Variants in TRPM3 observed in about 807,000 individuals in gnomAD.
TRPM3 encodes the protein long transient receptor potential channel 3.
In TRPM3, 77 loss-of-function variants were observed where a neutral mutation model predicts 181.2. The ratio of observed to expected loss-of-function variants is 0.42; its 90% CI spans 0.35 to 0.51. The LOEUF (loss-of-function observed/expected upper bound fraction) is 0.51, where lower values mean the gene tolerates loss of function less well. Among genes scored for constraint, TRPM3 ranks in the 20% least tolerant of loss-of-function variants. TRPM3 has a pLI of 0.01. For synonymous variants in TRPM3, 745 were observed against 796.4 expected (o/e 0.94, Z 1.09); for missense variants, 1,759 against 2,196.7 (o/e 0.80, Z 3.98).
chr9:71,208,218 C>G (rs2079245936), intron 1 of TRPM3, among the ~76,000 whole-genome samples: 1 of 152,094 alleles, frequency 6.6e-6, no homozygotes, highest in African/African-American at 2.4e-5. Context: ...TGCCTGATAA[C>G]AATTGACACT....
intron 17 of TRPM3, 48 bp downstream of exon 17, chr9:70,618,819 C>T (rs1354492348): frequency 6.5e-7 from 1 of 1,550,042 alleles, no homozygotes. Context: ...AAACTCTAAC[C>T]CACCCGCCGG....
At chr9:70,999,349 A>C (rs1001723978) in intron 1 of TRPM3, among the ~76,000 whole-genome samples, 1 of 152,242 alleles carries the variant, frequency 6.6e-6, no homozygotes, top group African/African-American at 2.4e-5. Context: ...GTAGTAACTC[A>C]GGCCAGAATT....
At chr9:70,692,066 TTTC>T (rs1243326342) in intron 8 of TRPM3, among the ~76,000 whole-genome samples, 3 of 152,318 alleles carry the variant, frequency 2.0e-5, no homozygotes, top group East Asian at 1.9e-4. Context: ...CTTGCGGGGC[TTTC>T]TTTTTTCCCC....
intron 1 of TRPM3, among the ~76,000 whole-genome samples, chr9:71,347,823 C>A (rs2091382345): frequency 6.6e-6 from 1 of 151,840 alleles, no homozygotes; most frequent in South Asian, 2.1e-4. Context: ...TAAATTAAAA[C>A]TTTTAAATTA....
intron 1 of TRPM3, among the ~76,000 whole-genome samples, chr9:71,064,171 C>A (rs1404662876): frequency 6.6e-6 from 1 of 151,954 alleles, no homozygotes; most frequent in Non-Finnish European, 1.5e-5. Flanking sequence ...TTCGGTAAAT[C>A]CTTTTACCTG....
At chr9:70,879,911 G>GAC (rs1441563265) in intron 1 of TRPM3, among the ~76,000 whole-genome samples, 1 of 152,044 alleles carries the variant, frequency 6.6e-6, no homozygotes, top group Non-Finnish European at 1.5e-5. Flanking sequence ...CACACACACA[G>GAC]ACACACACAC....
chr9:70,859,738 A>ACAAAAAGGAAAGT (rs76278691), intron 3 of TRPM3, among the ~76,000 whole-genome samples: 53,745 of 151,918 alleles, frequency 0.35, 9,872 homozygotes, highest in African/African-American at 0.39. Flanking sequence ...AAAAGTAATC[A>ACAAAAAGGAAAGT]CAGATAATGA....
intron 1 of TRPM3, among the ~76,000 whole-genome samples, chr9:71,087,794 CT>C (rs2065528995): frequency 6.6e-6 from 1 of 152,032 alleles, no homozygotes; most frequent in Non-Finnish European, 1.5e-5. Flanking sequence ...TAAAAAAACA[CT>C]TCTAACTAAT....
intron 1 of TRPM3, among the ~76,000 whole-genome samples, chr9:71,134,116 C>T (rs1410264872): frequency 1.3e-5 from 2 of 152,136 alleles, no homozygotes; most frequent in Non-Finnish European, 2.9e-5. Flanking sequence ...GACCAAACCA[C>T]AATCCTTTAT....
At chr9:70,870,905 T>C (rs762823445) in intron 1 of TRPM3, among the ~76,000 whole-genome samples, 1 of 152,058 alleles carries the variant, frequency 6.6e-6, no homozygotes, top group Non-Finnish European at 1.5e-5. Context: ...TGTAACCATA[T>C]GTTTATAGTC....
At chr9:70,552,612 A>T (rs1001177981) in intron 24 of TRPM3, among the ~76,000 whole-genome samples, 1 of 152,180 alleles carries the variant, frequency 6.6e-6, no homozygotes, top group African/African-American at 2.4e-5. Flanking sequence ...TATCTCTCTA[A>T]GAAAGACATG....
chr9:70,812,653 C>T lies in TRPM3; in HGVS notation c.973+15194G>A, dbSNP rs181906283. 1.1e-3 allele frequency among the ~76,000 whole-genome samples: 171 copies of T among 152,230 alleles called. 1 individual carries two copies. Among genetic ancestry groups the T allele is most frequent in the African/African-American group, 3.9e-3 (161 of 41,532 alleles). ...CAGCAAAGTTTCAAATAGACAACAC[C>T]ACAAACCCTCCTGGAAATTTAGCAC... On this transcript the variant is annotated intron_variant, in intron 6 of 25. Transcript: ENST00000677713.
chr9:71,225,311 C>A (rs2134859), intron 1 of TRPM3, among the ~76,000 whole-genome samples: 61,440 of 151,730 alleles, frequency 0.4, 13,222 homozygotes, highest in East Asian at 0.52. Flanking sequence ...ACAGACCAGG[C>A]AAGAGTGGCA....
intron 1 of TRPM3, among the ~76,000 whole-genome samples, chr9:71,177,881 A>G (rs1396447366): frequency 6.6e-6 from 1 of 150,780 alleles, no homozygotes; most frequent in South Asian, 2.1e-4. Context: ...TCCTTAAACT[A>G]TAGGGAGCTG....
chr9:70,594,038 C>G (rs989248544), intron 21 of TRPM3, among the ~76,000 whole-genome samples: 1 of 147,240 alleles, frequency 6.8e-6, no homozygotes, highest in African/African-American at 2.5e-5. Flanking sequence ...CTTGACTTTG[C>G]TAGTAAAAAT....
intron 1 of TRPM3, among the ~76,000 whole-genome samples, chr9:71,047,395 G>A (rs114087751): frequency 0.013 from 1,953 of 152,028 alleles, 29 homozygotes; most frequent in African/African-American, 0.045. Flanking sequence ...TTTATCATCA[G>A]GTAAGAAAAT....
intron 6 of TRPM3, among the ~76,000 whole-genome samples, chr9:70,810,644 A>C (rs568825749): frequency 1.6e-4 from 25 of 152,238 alleles, no homozygotes; most frequent in Admixed American, 1.6e-3. Flanking sequence ...ATGACCCTCA[A>C]ACTCTCCAAG....
chr9:71,263,052 G>T (rs117924605), intron 1 of TRPM3, among the ~76,000 whole-genome samples: 2 of 152,098 alleles, frequency 1.3e-5, no homozygotes, highest in Non-Finnish European at 2.9e-5. Context: ...CAAACATGAC[G>T]ATGGCTTTAA....
chr9:70,574,930 T>C (rs902050403), intron 22 of TRPM3, among the ~76,000 whole-genome samples: 1 of 151,888 alleles, frequency 6.6e-6, no homozygotes, highest in African/African-American at 2.4e-5. Context: ...TTTTTTCTTT[T>C]CTTTCTTTTT....
Sources: allele counts gnomAD v4.1 joint callset (sites outside exome capture counted in the v4.1 genomes callset), GRCh38; gene constraint gnomAD v4.1.1; transcripts MANE v1.5; gene names NCBI Gene and HGNC (gene_info 2026-07-23, HGNC 2026-07-21).